ARG2: variants seen among roughly 807,000 people sequenced by gnomAD.
The protein encoded by ARG2 is arginase-2, mitochondrial.
Under a neutral mutation model 39.4 loss-of-function variants are expected in ARG2, and 21 were observed. The observed-to-expected ratio is 0.53, with a 90% CI of 0.38 to 0.77. ARG2 has a LOEUF of 0.77. Ranked by LOEUF, ARG2 falls within the 30% of genes least tolerant of loss-of-function variation. The pLI is 0.00. For missense variants in ARG2, 378 were observed against 426.2 expected, an observed-to-expected ratio of 0.89 and a Z score of 1.00; for synonymous variants, 150 against 156.7, an observed-to-expected ratio of 0.96 and a Z score of 0.32.
chr14:67,627,810 A>G (rs1386192072), intron 2 of ARG2, among the ~76,000 whole-genome samples: 1 of 152,222 alleles, frequency 6.6e-6, no homozygotes, highest in Non-Finnish European at 1.5e-5. Flanking sequence ...GGAAGAAATG[A>G]AAGTACAGCA....
At chr14:67,646,759 G>GT (rs1218934729) in intron 5 of ARG2, 21 bp downstream of exon 5, 1 of 1,582,660 alleles carries the variant, frequency 6.3e-7, no homozygotes, top group Non-Finnish European at 8.7e-7. Flanking sequence ...GCATTTGGCT[G>GT]AAGTTTAGGG....
At chr14:67,622,800 T>C (rs2036824512) in intron 2 of ARG2, among the ~76,000 whole-genome samples, 1 of 152,250 alleles carries the variant, frequency 6.6e-6, no homozygotes, top group Non-Finnish European at 1.5e-5. Flanking sequence ...GGTTCTGCCT[T>C]AAGAGATTCC....
intron 6 of ARG2, chr14:67,647,776 C>T (rs947536540): frequency 1.0e-5 from 4 of 395,834 alleles, no homozygotes; most frequent in Non-Finnish European, 1.4e-5. Flanking sequence ...TTCTAATACC[C>T]AGTGTAAGGC....
intron 4 of ARG2, among the ~76,000 whole-genome samples, chr14:67,646,170 G>A (rs1289094874): frequency 6.6e-6 from 1 of 152,196 alleles, no homozygotes; most frequent in African/African-American, 2.4e-5. Context: ...GGGAGTCCAT[G>A]TTAGGCACAG....
At chr14:67,636,924 C>T (rs1164186120) in intron 2 of ARG2, among the ~76,000 whole-genome samples, 1 of 152,212 alleles carries the variant, frequency 6.6e-6, no homozygotes, top group African/African-American at 2.4e-5. Context: ...CTGACCTGGA[C>T]TTACAGATGA....
chr14:67,649,969 C>T (rs1004444803), intron 7 of ARG2: 1 of 152,202 alleles, frequency 6.6e-6, no homozygotes, highest in Non-Finnish European at 1.5e-5. Context: ...TTAAGCTTCC[C>T]TTCCACTTGC....
intron 2 of ARG2, among the ~76,000 whole-genome samples, chr14:67,624,494 C>T (rs368584044): frequency 2.6e-5 from 4 of 152,154 alleles, no homozygotes; most frequent in South Asian, 2.1e-4. Flanking sequence ...ATAATCATGG[C>T]GGAAGGTGAA....
chr14:67,644,576 C>G (rs1333292284), intron 3 of ARG2, among the ~76,000 whole-genome samples: 1 of 152,184 alleles, frequency 6.6e-6, no homozygotes, highest in Non-Finnish European at 1.5e-5. Context: ...ATGTCAAATT[C>G]CTTGGTTACT....
chr14:67,639,093 C>T (rs957249445), intron 2 of ARG2, among the ~76,000 whole-genome samples: 27 of 152,204 alleles, frequency 1.8e-4, no homozygotes, highest in Admixed American at 3.3e-4. Context: ...CCTGAATTAG[C>T]GACTGAAATC....
chr14:67,628,853 T>C (rs968158999), intron 2 of ARG2, among the ~76,000 whole-genome samples: 8 of 152,196 alleles, frequency 5.3e-5, no homozygotes, highest in Non-Finnish European at 8.8e-5. Flanking sequence ...AATTACTATA[T>C]GATTTAGCAA....
At chr14:67,638,904 T>C (rs1189201196) in intron 2 of ARG2, among the ~76,000 whole-genome samples, 1 of 152,232 alleles carries the variant, frequency 6.6e-6, no homozygotes, top group African/African-American at 2.4e-5. Context: ...CTTTTGCCCA[T>C]ATTAAGGCAT....
intron 2 of ARG2, among the ~76,000 whole-genome samples, chr14:67,641,880 T>C (rs2037035230): frequency 1.3e-5 from 2 of 152,212 alleles, no homozygotes; most frequent in Non-Finnish European, 2.9e-5. Context: ...TTCTTTAAGA[T>C]TGTTGGTTCT....
intron 2 of ARG2, among the ~76,000 whole-genome samples, chr14:67,641,814 AT>A (rs1222735701): frequency 6.6e-6 from 1 of 152,062 alleles, no homozygotes; most frequent in African/African-American, 2.4e-5. Context: ...CTCTTTGTGT[AT>A]TTTTTTGCTA....
At position 67,650,940 on chromosome 14, in the gene ARG2, T is replaced by C. The variant is rs757822631; in HGVS notation, c.*20T>C. 6.2e-7 allele frequency: 1 copy of C among 1,609,478 alleles called. No homozygotes were observed. On this transcript the variant is annotated 3_prime_UTR_variant, in exon 8 of 8. Coordinates refer to ENST00000261783, the MANE Select transcript of ARG2 (RefSeq NM_001172.4). The stretch of plus-strand genomic sequence containing the variant: ...ATTTAGGAGACACTGTGCACTGACA[T>C]GTTTCACAACAGGCATTCCAGAATT...
At chr14:67,636,852 G>T (rs1316621169) in intron 2 of ARG2, among the ~76,000 whole-genome samples, 1 of 152,128 alleles carries the variant, frequency 6.6e-6, no homozygotes, top group Non-Finnish European at 1.5e-5. Flanking sequence ...GAAATTTCAG[G>T]CTCCTCTTGT....
intron 4 of ARG2, among the ~76,000 whole-genome samples, chr14:67,646,095 T>C (rs571254681): frequency 4.9e-4 from 75 of 152,336 alleles, no homozygotes; most frequent in African/African-American, 1.8e-3. Context: ...TCAGACACAC[T>C]GATCTAGAAG....
chr14:67,635,357 A>G (rs1351956964), intron 2 of ARG2, among the ~76,000 whole-genome samples: 1 of 152,278 alleles, frequency 6.6e-6, no homozygotes, highest in African/African-American at 2.4e-5. Context: ...CCTAAATAAC[A>G]GTCTCTTCAA....
chr14:67,648,909 C>T (rs917454485), intron 7 of ARG2: 1 of 152,042 alleles, frequency 6.6e-6, no homozygotes, highest in Non-Finnish European at 1.5e-5. Flanking sequence ...AGATAGAGAC[C>T]CCAGATTGAA....
intron 2 of ARG2, among the ~76,000 whole-genome samples, chr14:67,623,799 C>T (rs1407598820): frequency 6.6e-6 from 1 of 152,084 alleles, no homozygotes; most frequent in Admixed American, 6.6e-5. Context: ...ATCTAGGCCT[C>T]CCAAAGTGCT....
Sources: allele counts gnomAD v4.1 joint callset (sites outside exome capture counted in the v4.1 genomes callset), GRCh38; gene constraint gnomAD v4.1.1; transcripts MANE v1.5; gene names NCBI Gene and HGNC (gene_info 2026-07-23, HGNC 2026-07-21).